The following ZBBX variants were observed in gnomAD, a reference collection of about 807,000 sequenced individuals.
The protein encoded by ZBBX is zinc finger B-box domain-containing protein 1.
A neutral mutation model predicts 108.5 loss-of-function variants in ZBBX; 101 were observed. That is an observed-to-expected ratio of 0.93 (90% CI 0.79 to 1.10). The LOEUF (loss-of-function observed/expected upper bound fraction) is 1.10. ZBBX is among the 50% of genes least tolerant of loss of function. The pLI is 0.00. For missense variants in ZBBX, 1,009 were observed against 941.4 expected, an observed-to-expected ratio of 1.07 and a Z score of -0.94; for synonymous variants, 356 against 323.4, an observed-to-expected ratio of 1.10 and a Z score of -1.08.
the ZBBX span, among the ~76,000 whole-genome samples, chr3:167,225,598 A>T: frequency 0.013 from 2,009 of 151,908 alleles, 52 homozygotes; most frequent in African/African-American, 0.046. Flanking sequence ...CCCACTAGTC[A>T]CCAAGACTGA....
chr3:167,317,192 G>C, intron 13 of ZBBX, 87 bp from the exon 14 acceptor site: 3 of 909,164 alleles, frequency 3.3e-6, no homozygotes, highest in Non-Finnish European at 5.0e-6. Flanking sequence ...CAAAAAAGAA[G>C]AGTGTTCTCA....
In ZBBX at chr3:167,317,539, T is replaced by C; in HGVS notation, c.1042A>G (p.Thr348Ala). Residue 348 changes from threonine (T) to alanine (A), a missense_variant, in exon 13 of 22, where the codon ACC becomes GCC. Coordinates refer to ENST00000675490, the MANE Select transcript of ZBBX (RefSeq NM_001199201.2). ...LPDTFPHPHE[T>A]TGDAQCSQNE... ...TGAGAACACTGTGCATCACCAGTGG[T>C]TTCATGTGGATGTGGGAACGTATCT... The C allele has an allele frequency of 4.3e-6, 7 of 1,611,328 alleles. No homozygotes were observed. The highest frequency in any genetic ancestry group is 5.9e-6 in the Non-Finnish European group (7 of 1,178,458).
intron 1 of ZBBX, among the ~76,000 whole-genome samples, chr3:167,388,726 C>T (rs1747997504): frequency 6.6e-6 from 1 of 151,986 alleles, no homozygotes; most frequent in South Asian, 2.1e-4. Context: ...CTGCCTTTCT[C>T]AACATGTCAC....
the ZBBX span, among the ~76,000 whole-genome samples, chr3:167,192,872 T>C: frequency 1.3e-5 from 2 of 152,240 alleles, no homozygotes; most frequent in African/African-American, 4.8e-5. Context: ...TTGAATTACT[T>C]TTCTGTGTTA....
chr3:167,361,721 C>T (rs898492254), intron 6 of ZBBX, among the ~76,000 whole-genome samples: 1 of 152,046 alleles, frequency 6.6e-6, no homozygotes, highest in South Asian at 2.1e-4. Flanking sequence ...TTCTATGAAC[C>T]ACACTTTTAT....
chr3:167,283,478 T>C (rs1370928439), intron 19 of ZBBX, among the ~76,000 whole-genome samples: 1 of 152,156 alleles, frequency 6.6e-6, no homozygotes, highest in Non-Finnish European at 1.5e-5. Flanking sequence ...GTAAAACTAT[T>C]AGGTGGGTGC....
intron 1 of ZBBX, among the ~76,000 whole-genome samples, chr3:167,395,517 T>C (rs1457571448): frequency 6.6e-6 from 1 of 150,890 alleles, no homozygotes; most frequent in African/African-American, 2.4e-5. Flanking sequence ...GCAGCAACAA[T>C]GGACAGATTC....
In ZBBX at chr3:167,305,826, T is replaced by G. The variant is rs1357729780; in HGVS notation, c.1542A>C (p.Glu514Asp). 1 of 1,612,262 alleles carries G rather than the reference T, an allele frequency of 6.2e-7. No individual in the cohort carries two copies. Among genetic ancestry groups the G allele is most frequent in the Admixed American group, 1.7e-5 (1 of 59,786 alleles). The change falls in exon 17 of 22, where the codon GAA becomes GAC. Residue 514 changes from glutamate to aspartate, a missense_variant. Glu to Asp is a conservative substitution (Grantham distance 45). Transcript: ENST00000675490. Reference protein sequence around the residue: ...RNLKEKNIGLESNQKSDDSCV... With the variant: ...RNLKEKNIGLDSNQKSDDSCV... ...AGGAATCATCAGACTTTTGATTACT[T>G]TCTAAACCTATATTTTTCTCCTTTA...
chr3:167,338,041 T>C (rs1212389212), intron 9 of ZBBX, among the ~76,000 whole-genome samples: 1 of 152,124 alleles, frequency 6.6e-6, no homozygotes, highest in Non-Finnish European at 1.5e-5. Flanking sequence ...GCTAAAAATG[T>C]TTTAAAATCA....
chr3:167,300,879 G>A lies in ZBBX; in HGVS notation c.1726-2421C>T, dbSNP rs551125840. Among the ~76,000 whole-genome samples, 18 of 149,048 alleles carry A rather than the reference G, an allele frequency of 1.2e-4. No homozygotes were observed. The South Asian group carries it at 3.0e-3, about 25-fold the overall frequency. On this transcript the variant is annotated intron_variant, in intron 17 of 21. Transcript: ENST00000675490. ...GATCCACCCACCTCAGCCTCCCAAAGTGCTGGGATTACAGGCGTGAGCCAC... is the reference window on the plus strand; with the variant it reads ...GATCCACCCACCTCAGCCTCCCAAAATGCTGGGATTACAGGCGTGAGCCAC...
In ZBBX at chr3:167,328,477, C is replaced by G. The variant is rs980459964; in HGVS notation, c.688-361G>C. Among the ~76,000 whole-genome samples the G allele has an allele frequency of 5.3e-5, 8 of 151,598 alleles. 1 individual carries two copies. The South Asian group carries it at 1.7e-3, about 32-fold the overall frequency. ...CCTACTCCCCGCAACCTTCTCATAT[C>G]AAAAAAACAGGGTTTTTTTTTAATG... On this transcript the variant is annotated intron_variant, in intron 10 of 21. Transcript: ENST00000675490.
At chr3:167,320,088 T>C (rs928490038) in intron 12 of ZBBX, among the ~76,000 whole-genome samples, 1 of 151,738 alleles carries the variant, frequency 6.6e-6, no homozygotes, top group Admixed American at 6.6e-5. Context: ...GGCACCAGAA[T>C]AGTAATGATC....
At chr3:167,269,888 T>G (rs900381462) in intron 20 of ZBBX, among the ~76,000 whole-genome samples, 2 of 152,170 alleles carry the variant, frequency 1.3e-5, no homozygotes, top group African/African-American at 2.4e-5. Context: ...GTCCCCTAGC[T>G]GAAGATAGCT....
chr3:167,249,058 C>T (rs1722107310), intron 20 of ZBBX, among the ~76,000 whole-genome samples: 1 of 152,216 alleles, frequency 6.6e-6, no homozygotes, highest in Admixed American at 6.5e-5. Flanking sequence ...CCACGCTCAG[C>T]CTATACTCCT....
intron 6 of ZBBX, among the ~76,000 whole-genome samples, chr3:167,361,442 T>G (rs147428364): frequency 1.3e-5 from 2 of 152,156 alleles, no homozygotes; most frequent in African/African-American, 4.8e-5. Context: ...TGCATTTATA[T>G]AGATACTGTC....
At chr3:167,395,283 A>G (rs536128067) in intron 1 of ZBBX, among the ~76,000 whole-genome samples, 1 of 152,048 alleles carries the variant, frequency 6.6e-6, no homozygotes, top group Non-Finnish European at 1.5e-5. Flanking sequence ...CTTGAATATC[A>G]CATGCTTTAA....
At chr3:167,179,168 T>C in the ZBBX span, among the ~76,000 whole-genome samples, 5 of 151,930 alleles carry the variant, frequency 3.3e-5, no homozygotes, top group African/African-American at 1.2e-4. Context: ...CACACATACA[T>C]GTACATAAAC....
chr3:167,280,142 A>G (rs1457711374), intron 20 of ZBBX, among the ~76,000 whole-genome samples: 1 of 152,106 alleles, frequency 6.6e-6, no homozygotes, highest in African/African-American at 2.4e-5. Flanking sequence ...AACCATAAAA[A>G]CCCTAGAAGA....
intron 9 of ZBBX, among the ~76,000 whole-genome samples, chr3:167,341,238 G>T (rs1020830460): frequency 6.6e-6 from 1 of 151,714 alleles, no homozygotes; most frequent in African/African-American, 2.4e-5. Context: ...CTGGACACAT[G>T]CTCCTGCTTA....
Sources: gnomAD v4.1 joint callset for allele counts (sites outside exome capture counted in the v4.1 genomes callset) on GRCh38, gnomAD v4.1.1 for gene constraint, MANE v1.5 for transcripts, NCBI Gene and HGNC (gene_info 2026-07-23, HGNC 2026-07-21) for gene names.